RNGTT: variants seen among roughly 807,000 people sequenced by gnomAD.
RNGTT encodes RNA guanylyltransferase and 5'-phosphatase.
RNGTT carries 33 observed loss-of-function variants against 79.3 expected under a neutral mutation model. The ratio of observed to expected loss-of-function variants is 0.42; its 90% CI spans 0.32 to 0.56. The LOEUF is 0.56. RNGTT is among the 20% of genes least tolerant of loss of function. The probability of loss-of-function intolerance (pLI) is 0.17; values close to 1 mark genes in which losing one functional copy is unlikely to be tolerated. For synonymous variants in RNGTT, 222 were observed against 235.9 expected (o/e 0.94, Z 0.54); for missense variants, 497 against 739.1 (o/e 0.67, Z 3.80).
chr6:88,695,247 T>A (rs1320512700), intron 13 of RNGTT, among the ~76,000 whole-genome samples: 2 of 151,976 alleles, frequency 1.3e-5, no homozygotes, highest in South Asian at 2.1e-4. Flanking sequence ...GGAGAAAATA[T>A]CTGTAAGCGA....
At chr6:88,913,142 T>A (rs1479559139) in intron 4 of RNGTT, among the ~76,000 whole-genome samples, 1 of 149,908 alleles carries the variant, frequency 6.7e-6, no homozygotes, top group Non-Finnish European at 1.5e-5. Flanking sequence ...GAGGCAGAGG[T>A]TGCAGTGGGC....
chr6:88,733,172 G>A lies in RNGTT; in HGVS notation c.1439+36602C>T, dbSNP rs59121640. Among the ~76,000 whole-genome samples the A allele has an allele frequency of 7.4e-3, 1,129 of 152,064 alleles. 14 individuals carry two copies. Among genetic ancestry groups the A allele is most frequent in the African/African-American group, 0.025 (1,046 of 41,492 alleles). On this transcript the variant is annotated intron_variant, in intron 13 of 15. Coordinates refer to ENST00000369485, the MANE Select transcript of RNGTT (RefSeq NM_003800.5). ...CCTCAGGAGTTTGAGATCAGCCTGGGCAACATGGCAAAACCCCATCTCTAC... is the reference window on the plus strand; with the variant it reads ...CCTCAGGAGTTTGAGATCAGCCTGGACAACATGGCAAAACCCCATCTCTAC...
At chr6:88,755,789 C>T (rs1777991257) in intron 13 of RNGTT, among the ~76,000 whole-genome samples, 1 of 151,480 alleles carries the variant, frequency 6.6e-6, no homozygotes, top group African/African-American at 2.4e-5. Flanking sequence ...GGTGAAACCC[C>T]ATCTCTACTA....
chr6:88,883,419 T>C lies in RNGTT; in HGVS notation c.896+7076A>G, dbSNP rs115964854. Among the ~76,000 whole-genome samples, 351 of 152,202 alleles carry C rather than the reference T, an allele frequency of 2.3e-3. 1 individual carries two copies. Among genetic ancestry groups the C allele is most frequent in the African/African-American group, 8.0e-3 (332 of 41,530 alleles). ...AGAAATAACAAAACACACTGCTGAA[T>C]AGTACATTTAAAATAAGCCTTCTGT... On this transcript the variant is annotated intron_variant, in intron 8 of 15. Transcript: ENST00000369485.
intron 7 of RNGTT, among the ~76,000 whole-genome samples, chr6:88,891,332 A>C (rs1267653366): frequency 6.6e-6 from 1 of 152,172 alleles, no homozygotes; most frequent in Non-Finnish European, 1.5e-5. Context: ...CCACAGGCCA[A>C]GACCTGAGAG....
At chr6:88,889,648 C>G (rs1034879001) in intron 8 of RNGTT, among the ~76,000 whole-genome samples, 1 of 151,880 alleles carries the variant, frequency 6.6e-6, no homozygotes, top group Non-Finnish European at 1.5e-5. Context: ...TTTCAACTTG[C>G]TAAATGAATA....
intron 11 of RNGTT, among the ~76,000 whole-genome samples, chr6:88,840,614 G>A (rs1177114613): frequency 6.6e-6 from 1 of 152,168 alleles, no homozygotes; most frequent in East Asian, 1.9e-4. Context: ...GCCCAGGCTG[G>A]TCTCGAACTC....
chr6:88,771,350 T>TATATATATATATATATATAC (rs376503141), intron 12 of RNGTT, among the ~76,000 whole-genome samples: 1 of 116,254 alleles, frequency 8.6e-6, no homozygotes, highest in East Asian at 2.5e-4. Context: ...TATATATATA[T>TATATATATATATATATATAC]ACACACACAC....
intron 13 of RNGTT, among the ~76,000 whole-genome samples, chr6:88,727,159 T>G (rs969346326): frequency 6.6e-6 from 1 of 152,138 alleles, no homozygotes; most frequent in Non-Finnish European, 1.5e-5. Context: ...AAAACGGAAT[T>G]TATGCAAAAA....
In RNGTT at chr6:88,612,675, T is replaced by C. The variant is rs749116939; in HGVS notation, c.*44A>G. The stretch of plus-strand genomic sequence containing the variant: ...TACAAAAATGGGCAACAGCGTTTTT[T>C]CCTCATTCCTCTTTCTTCTTAACCC... On this transcript the variant is annotated 3_prime_UTR_variant, in exon 16 of 16. Coordinates refer to ENST00000369485, the MANE Select transcript of RNGTT (RefSeq NM_003800.5). 2.5e-6 allele frequency: 4 copies of C among 1,573,208 alleles called. No homozygotes were observed. Among genetic ancestry groups the C allele is most frequent in the Non-Finnish European group, 3.5e-6 (4 of 1,157,568 alleles).
At chr6:88,896,469 T>A (rs1222561700) in intron 6 of RNGTT, among the ~76,000 whole-genome samples, 1 of 151,804 alleles carries the variant, frequency 6.6e-6, no homozygotes, top group Non-Finnish European at 1.5e-5. Context: ...CAGTTAATGA[T>A]CTCCCAGGAA....
chr6:88,927,390 C>T lies in RNGTT; in HGVS notation c.367+1595G>A, dbSNP rs139409878. Among the ~76,000 whole-genome samples, 106 of 151,980 alleles carry T rather than the reference C, an allele frequency of 7.0e-4. No individual in the cohort carries two copies. The East Asian group carries it at 7.9e-3, about 11-fold the overall frequency. ...AAAAATACAAAAATTAAGCCCGGCACGGTGGCTCACACCTGTAATCCCAGC... is the reference window on the plus strand; with the variant it reads ...AAAAATACAAAAATTAAGCCCGGCATGGTGGCTCACACCTGTAATCCCAGC... On this transcript the variant is annotated intron_variant, in intron 4 of 15. Transcript: ENST00000369485.
At chr6:88,719,290 C>T (rs924152682) in intron 13 of RNGTT, among the ~76,000 whole-genome samples, 2 of 152,162 alleles carry the variant, frequency 1.3e-5, no homozygotes, top group African/African-American at 4.8e-5. Context: ...CTGACTGCCT[C>T]GAAAATCACA....
intron 14 of RNGTT, among the ~76,000 whole-genome samples, chr6:88,668,390 G>A (rs1262049048): frequency 6.6e-6 from 1 of 152,138 alleles, no homozygotes; most frequent in African/African-American, 2.4e-5. Context: ...AAGCTGACTG[G>A]TCTATGCACA....
At chr6:88,690,919 A>G (rs1292427244) in intron 13 of RNGTT, among the ~76,000 whole-genome samples, 2 of 152,110 alleles carry the variant, frequency 1.3e-5, no homozygotes, top group Non-Finnish European at 2.9e-5. Flanking sequence ...AAGCACCTCA[A>G]ACTGCTATCC....
intron 12 of RNGTT, among the ~76,000 whole-genome samples, chr6:88,781,325 G>C (rs988533280): frequency 6.6e-6 from 1 of 152,160 alleles, no homozygotes; most frequent in African/African-American, 2.4e-5. Flanking sequence ...ATTTCCACTA[G>C]TAAAATGTGA....
chr6:88,730,780 G>A (rs955645802), intron 13 of RNGTT, among the ~76,000 whole-genome samples: 3 of 152,164 alleles, frequency 2.0e-5, no homozygotes, highest in African/African-American at 7.2e-5. Context: ...CAGCATGACT[G>A]TATTTACAAA....
intron 4 of RNGTT, among the ~76,000 whole-genome samples, chr6:88,926,863 G>C (rs920451124): frequency 6.6e-6 from 1 of 152,184 alleles, no homozygotes; most frequent in Admixed American, 6.5e-5. Context: ...TTCAATATGT[G>C]ATAGCCAATA....
At chr6:88,811,596 T>C (rs1398644580) in intron 11 of RNGTT, among the ~76,000 whole-genome samples, 1 of 152,118 alleles carries the variant, frequency 6.6e-6, no homozygotes, top group Non-Finnish European at 1.5e-5. Context: ...TTACAAAGCA[T>C]AGAAAGGAGC....
Sources: allele counts gnomAD v4.1 joint callset (sites outside exome capture counted in the v4.1 genomes callset), GRCh38; gene constraint gnomAD v4.1.1; transcripts MANE v1.5; gene names NCBI Gene and HGNC (gene_info 2026-07-23, HGNC 2026-07-21).